PIK3CB: variants seen among roughly 807,000 people sequenced by gnomAD.
PIK3CB encodes the protein phosphatidylinositol 4,5-bisphosphate 3-kinase catalytic subunit beta isoform.
A neutral mutation model predicts 136.8 loss-of-function variants in PIK3CB; 39 were observed. The ratio of observed to expected loss-of-function variants is 0.29; its 90% CI spans 0.22 to 0.37. The LOEUF (loss-of-function observed/expected upper bound fraction) is 0.37, where lower values mean the gene tolerates loss of function less well. PIK3CB is among the 10% of genes least tolerant of loss of function. The pLI is 1.00. For missense variants in PIK3CB, 868 were observed against 1,275.4 expected (o/e 0.68, Z 4.87); for synonymous variants, 428 against 436.6 (o/e 0.98, Z 0.25).
At chr3:138,710,589 T>A (rs147057638) in intron 10 of PIK3CB, among the ~76,000 whole-genome samples, 137 of 152,302 alleles carry the variant, frequency 9.0e-4, no homozygotes, top group Admixed American at 2.4e-3. Context: ...ATGGGAAGAT[T>A]TGAATAGTCT....
At chr3:138,821,711 G>A (rs1055051257) in intron 1 of PIK3CB, among the ~76,000 whole-genome samples, 10 of 152,084 alleles carry the variant, frequency 6.6e-5, no homozygotes, top group African/African-American at 2.4e-4. Flanking sequence ...CTTGAACCTG[G>A]GAGGGAGAGG....
intron 1 of PIK3CB, among the ~76,000 whole-genome samples, chr3:138,834,425 C>T (rs1934178872): frequency 6.6e-6 from 1 of 152,216 alleles, no homozygotes; most frequent in Non-Finnish European, 1.5e-5. Flanking sequence ...CCGGGACGCC[C>T]GGCAGCGTCT....
chr3:138,829,935 T>A (rs1351058698), intron 1 of PIK3CB, among the ~76,000 whole-genome samples: 4 of 152,084 alleles, frequency 2.6e-5, no homozygotes, highest in African/African-American at 7.2e-5. Context: ...GGACTGGAGA[T>A]AAAAATCTTG....
chr3:138,682,908 C>G (rs2043809785), intron 18 of PIK3CB, among the ~76,000 whole-genome samples: 1 of 152,184 alleles, frequency 6.6e-6, no homozygotes, highest in Admixed American at 6.5e-5. Context: ...ACATAACTAA[C>G]AAGTCACCAC....
rs772017771 is a variant in PIK3CB, at chr3:138,665,092, A to G, written c.2616T>C (p.Ala872=). 4.3e-6 allele frequency: 7 copies of G among 1,613,456 alleles called. No homozygotes were observed. The East Asian group carries it at 1.6e-4, about 36-fold the overall frequency. The change falls in exon 20 of 24, where the codon GCT becomes GCC. Residue 872 remains alanine (A), a synonymous_variant. Transcript: ENST00000674063. The stretch of plus-strand genomic sequence containing the variant: ...GGGCATCTTTGTTGAAGGCTGCTGC[A>G]GCAGCCACATTGCTACTGTTCAGCT... ...DIQLNSSNVA[A]AAAFNKDALL...
intron 21 of PIK3CB, among the ~76,000 whole-genome samples, chr3:138,660,296 T>C (rs1347256043): frequency 6.6e-6 from 1 of 152,230 alleles, no homozygotes; most frequent in Admixed American, 6.5e-5. Context: ...ACTATTTCTA[T>C]TTTAACTTTT....
Position 138,816,171 on chromosome 3 carries a change from C to T in PIK3CB, c.-122+18524G>A, listed in dbSNP as rs536692976. On this transcript the variant is annotated intron_variant, in intron 1 of 23. Coordinates refer to ENST00000674063, the MANE Select transcript of PIK3CB (RefSeq NM_006219.3). ...TACAAATATTAGCCAGGCATAGTGG[C>T]GCATGCCTGTGGTACCAGCTATATG... 4.6e-5 allele frequency among the ~76,000 whole-genome samples: 7 copies of T among 151,906 alleles called. No individual in the cohort carries two copies. The South Asian group carries it at 1.3e-3, about 27-fold the overall frequency.
Position 138,705,599 on chromosome 3 carries a change from GAAGA to G in PIK3CB, c.1531-1110_1531-1107del, listed in dbSNP as rs757638230. Among the ~76,000 whole-genome samples, 54 of 152,242 alleles carry G rather than the reference GAAGA, an allele frequency of 3.5e-4. No homozygotes were observed. The East Asian group carries it at 8.1e-3, about 23-fold the overall frequency. On this transcript the variant is annotated intron_variant, in intron 11 of 23. Transcript: ENST00000674063. Reference sequence around the variant, plus strand: ...GATAAAATCCAATTATAATGAAAATGAAGAAAGAGTGAATTACATAAATTTAATT... The same window carrying G: ...GATAAAATCCAATTATAATGAAAATGAAGAGTGAATTACATAAATTTAATT...
In PIK3CB at chr3:138,655,257, C is replaced by T; in HGVS notation, c.*132G>A. 2 of 874,698 alleles carry T rather than the reference C, an allele frequency of 2.3e-6. No individual in the cohort carries two copies. The highest frequency in any genetic ancestry group is 3.5e-6 in the Non-Finnish European group (2 of 564,016). The allele number at this position is 874,698 out of a possible 1,614,324, so 54.2% of individuals were successfully genotyped here. ...ATTAGGTTCTGTGGGATGCCTTGTT[C>T]TTAATTTAACTCTGAGTTCCAGGAT... On this transcript the variant is annotated 3_prime_UTR_variant, in exon 24 of 24. Transcript: ENST00000674063.
intron 19 of PIK3CB, among the ~76,000 whole-genome samples, chr3:138,681,383 T>A (rs1039531254): frequency 3.3e-5 from 5 of 152,178 alleles, no homozygotes; most frequent in African/African-American, 9.7e-5. Flanking sequence ...CCTTTTCACA[T>A]CTTTTCCTTA....
intron 2 of PIK3CB, among the ~76,000 whole-genome samples, chr3:138,780,000 C>CA (rs2045905929): frequency 6.6e-6 from 1 of 152,040 alleles, no homozygotes; most frequent in Non-Finnish European, 1.5e-5. Flanking sequence ...CTCTGTTGCC[C>CA]AGGCTGGAGT....
chr3:138,721,080 C>T (rs551557597), intron 8 of PIK3CB, among the ~76,000 whole-genome samples: 44 of 152,244 alleles, frequency 2.9e-4, no homozygotes, highest in African/African-American at 9.6e-4. Context: ...AACTAACACT[C>T]CACATATCTT....
intron 2 of PIK3CB, among the ~76,000 whole-genome samples, chr3:138,769,159 C>G (rs1174648376): frequency 6.6e-6 from 1 of 152,178 alleles, no homozygotes; most frequent in Non-Finnish European, 1.5e-5. Flanking sequence ...GAGCATGCAG[C>G]CCCGGCCACA....
At chr3:138,674,509 TAAAC>T (rs199774185) in intron 19 of PIK3CB, among the ~76,000 whole-genome samples, 1,993 of 152,136 alleles carry the variant, frequency 0.013, 41 homozygotes, top group Middle Eastern at 0.048. Flanking sequence ...GTCACTAAAA[TAAAC>T]AAACAGCCAC....
intron 1 of PIK3CB, among the ~76,000 whole-genome samples, chr3:138,812,322 C>T (rs1326720611): frequency 1.3e-5 from 2 of 151,472 alleles, no homozygotes; most frequent in South Asian, 2.1e-4. Context: ...CTGCAACCTC[C>T]GCCTCCTGGG....
chr3:138,782,157 C>G (rs939357857), intron 2 of PIK3CB, among the ~76,000 whole-genome samples: 2 of 152,176 alleles, frequency 1.3e-5, no homozygotes, highest in Non-Finnish European at 2.9e-5. Flanking sequence ...CATACCAATA[C>G]ATTTGCCTAC....
intron 15 of PIK3CB, among the ~76,000 whole-genome samples, chr3:138,690,322 C>T (rs1443218483): frequency 6.6e-6 from 1 of 150,876 alleles, no homozygotes; most frequent in Non-Finnish European, 1.5e-5. Context: ...TTCTGACAAG[C>T]ATTAGTTTCA....
intron 11 of PIK3CB, among the ~76,000 whole-genome samples, chr3:138,706,390 T>C (rs1040790693): frequency 6.6e-6 from 1 of 152,216 alleles, no homozygotes; most frequent in Admixed American, 6.5e-5. Flanking sequence ...GAAATATATT[T>C]AGAAATGAAG....
chr3:138,734,951 A>ATTT lies in PIK3CB; in HGVS notation c.802-148_802-147insAAA, dbSNP rs1559849828. 13 of 296,720 alleles carry ATTT rather than the reference A, an allele frequency of 4.4e-5. No homozygotes were observed. The South Asian group carries it at 1.4e-3, about 32-fold the overall frequency. The allele number at this position is 296,720 out of a possible 1,614,324, so 18.4% of individuals were successfully genotyped here. A position where few individuals can be genotyped will look rare whatever the true frequency, so the allele number is the denominator to read the frequency against. On this transcript the variant is annotated intron_variant, in intron 6 of 23. Coordinates refer to ENST00000674063, the MANE Select transcript of PIK3CB (RefSeq NM_006219.3). ...GAATATCAAGAAATTAAAAAAAAAA[A>ATTT]ATTTTTTTTTTTTTTTTTTGAGACA...
Sources: gnomAD v4.1 joint callset for allele counts (sites outside exome capture counted in the v4.1 genomes callset) on GRCh38, gnomAD v4.1.1 for gene constraint, MANE v1.5 for transcripts, NCBI Gene and HGNC (gene_info 2026-07-23, HGNC 2026-07-21) for gene names.